The following STAU2 variants were observed in gnomAD, a reference collection of about 807,000 sequenced individuals.
The protein encoded by STAU2 is double-stranded RNA-binding protein Staufen homolog 2.
In STAU2, 20 loss-of-function variants were observed where a neutral mutation model predicts 65.9. The observed-to-expected ratio is 0.30, with a 90% CI of 0.21 to 0.44. STAU2 has a LOEUF of 0.44. Among genes scored for constraint, STAU2 ranks in the 20% least tolerant of loss-of-function variants. STAU2 has a pLI of 1.00. For missense variants in STAU2, 558 were observed against 683.9 expected (o/e 0.82, Z 2.05); for synonymous variants, 232 against 233.9 (o/e 0.99, Z 0.07).
chr8:73,432,757 T>C (rs1001818103), intron 13 of STAU2, among the ~76,000 whole-genome samples: 3 of 152,220 alleles, frequency 2.0e-5, no homozygotes, highest in African/African-American at 7.2e-5. Context: ...TCCACGATCC[T>C]ATCAGTTCAG....
chr8:73,608,288 G>A (rs1812177691), intron 9 of STAU2, among the ~76,000 whole-genome samples: 1 of 151,886 alleles, frequency 6.6e-6, no homozygotes, highest in Non-Finnish European at 1.5e-5. Flanking sequence ...AGAAGGGATG[G>A]AAAAAAAGGA....
At chr8:73,722,875 C>T (rs1821780661) in intron 3 of STAU2, among the ~76,000 whole-genome samples, 1 of 152,216 alleles carries the variant, frequency 6.6e-6, no homozygotes, top group Admixed American at 6.5e-5. Flanking sequence ...GTTACAAAAA[C>T]ATCACCGAAC....
chr8:73,685,880 T>C (rs546655267), intron 5 of STAU2, among the ~76,000 whole-genome samples: 3 of 152,244 alleles, frequency 2.0e-5, no homozygotes, highest in African/African-American at 7.2e-5. Context: ...CAATTCACAA[T>C]TGCGAAAACA....
intron 3 of STAU2, among the ~76,000 whole-genome samples, chr8:73,722,909 T>C (rs367950363): frequency 4.6e-5 from 7 of 152,274 alleles, no homozygotes; most frequent in African/African-American, 1.7e-4. Context: ...ACACTTCTAA[T>C]ATTAAACAAT....
intron 13 of STAU2, among the ~76,000 whole-genome samples, chr8:73,448,446 C>T (rs976853194): frequency 6.6e-6 from 1 of 152,306 alleles, no homozygotes; most frequent in Non-Finnish European, 1.5e-5. Context: ...CCACGCCCGG[C>T]TAATTTTTTG....
chr8:73,569,578 C>T (rs1808882997), intron 12 of STAU2, among the ~76,000 whole-genome samples: 1 of 151,744 alleles, frequency 6.6e-6, no homozygotes. Flanking sequence ...TGACTGACAC[C>T]TCATACAGCT....
upstream of STAU2, chr8:73,747,056 C>T (rs1027559308): frequency 4.3e-6 from 1 of 230,752 alleles, no homozygotes; most frequent in Admixed American, 6.1e-5. Context: ...GGCCCGCGAC[C>T]AAGCGCGGCC....
chr8:73,619,376 T>G (rs1813062311), intron 6 of STAU2, among the ~76,000 whole-genome samples: 1 of 152,144 alleles, frequency 6.6e-6, no homozygotes, highest in Admixed American at 6.5e-5. Context: ...ACTGCAATGC[T>G]GAAAAAAATG....
chr8:73,538,024 A>T (rs1806296174), intron 13 of STAU2, among the ~76,000 whole-genome samples: 1 of 152,226 alleles, frequency 6.6e-6, no homozygotes, highest in African/African-American at 2.4e-5. Flanking sequence ...ACATTTTACA[A>T]AATAAGTAAC....
chr8:73,710,559 T>C (rs1178567116), intron 3 of STAU2, among the ~76,000 whole-genome samples: 2 of 152,050 alleles, frequency 1.3e-5, no homozygotes, highest in African/African-American at 2.4e-5. Context: ...GTCCCAAAGT[T>C]GTTGTGAGAT....
intron 6 of STAU2, chr8:73,669,258 T>C (rs1310501548): frequency 1.4e-5 from 8 of 565,610 alleles, no homozygotes; most frequent in East Asian, 1.4e-4. Flanking sequence ...TTTTACCTTT[T>C]TGTGATCTGC....
intron 6 of STAU2, among the ~76,000 whole-genome samples, chr8:73,650,466 C>T (rs934495762): frequency 1.3e-5 from 2 of 152,008 alleles, no homozygotes; most frequent in African/African-American, 4.8e-5. Context: ...TACTGGGTCA[C>T]ATTATTTTTA....
intron 6 of STAU2, among the ~76,000 whole-genome samples, chr8:73,645,692 C>G (rs1815317141): frequency 6.6e-6 from 1 of 152,170 alleles, no homozygotes; most frequent in Non-Finnish European, 1.5e-5. Context: ...GCTTATGGTT[C>G]TGCAGGCTGT....
At chr8:73,544,100 T>C (rs1806738831) in intron 13 of STAU2, among the ~76,000 whole-genome samples, 1 of 152,174 alleles carries the variant, frequency 6.6e-6, no homozygotes, top group Non-Finnish European at 1.5e-5. Context: ...AAATGGTCTC[T>C]ACTTACTTTT....
intron 6 of STAU2, among the ~76,000 whole-genome samples, chr8:73,628,191 A>C (rs1163337766): frequency 6.6e-6 from 1 of 151,398 alleles, no homozygotes; most frequent in Admixed American, 6.6e-5. Flanking sequence ...CTCCCATCTC[A>C]GTCTCTCAAG....
At chr8:73,518,911 G>A (rs940679975) in intron 13 of STAU2, among the ~76,000 whole-genome samples, 13 of 152,062 alleles carry the variant, frequency 8.5e-5, no homozygotes, top group South Asian at 6.2e-4. Context: ...GACAAGTTTC[G>A]GAGGGAGGAC....
chr8:73,455,672 C>T (rs1330558238), intron 13 of STAU2, among the ~76,000 whole-genome samples: 2 of 152,170 alleles, frequency 1.3e-5, no homozygotes, highest in Non-Finnish European at 2.9e-5. Flanking sequence ...GAAAAACCAC[C>T]GTCATTTCCT....
At chr8:73,631,618 G>A (rs1005921627) in intron 6 of STAU2, among the ~76,000 whole-genome samples, 2 of 152,176 alleles carry the variant, frequency 1.3e-5, no homozygotes, top group Admixed American at 1.3e-4. Context: ...TGTATAGACT[G>A]TTCTGTGACC....
At chr8:73,687,371 T>TTATATAATATAAA (rs1240236643) in intron 5 of STAU2, among the ~76,000 whole-genome samples, 5,323 of 119,564 alleles carry the variant, frequency 0.045, 282 homozygotes, top group Middle Eastern at 0.098. Flanking sequence ...TAAATATAAT[T>TTATATAATATAAA]TATAATTTAT....
Sources: allele counts gnomAD v4.1 joint callset (sites outside exome capture counted in the v4.1 genomes callset), GRCh38; gene constraint gnomAD v4.1.1; transcripts MANE v1.5; gene names NCBI Gene and HGNC (gene_info 2026-07-23, HGNC 2026-07-21).